AGBL1: variants seen among roughly 807,000 people sequenced by gnomAD.
AGBL1 encodes the protein cytosolic carboxypeptidase 4.
AGBL1 carries 130 observed loss-of-function variants against 118.9 expected under a neutral mutation model. That is an observed-to-expected ratio of 1.09 (90% confidence interval 0.95 to 1.26). The LOEUF is 1.26. AGBL1 is among the 50% of genes most tolerant of loss of function. AGBL1 has a pLI of 0.00. For missense variants in AGBL1, 1,584 were observed against 1,298.1 expected (o/e 1.22, Z -3.38); for synonymous variants, 555 against 478.9 (o/e 1.16, Z -2.08).
chr15:86,339,795 C>T (rs373133262), intron 17 of AGBL1, among the ~76,000 whole-genome samples: 316 of 152,162 alleles, frequency 2.1e-3, no homozygotes, highest in Middle Eastern at 0.014. Flanking sequence ...GATGAAACCC[C>T]GTCTCTATTA....
At chr15:86,424,400 A>C (rs1166583070) in intron 18 of AGBL1, among the ~76,000 whole-genome samples, 2 of 152,252 alleles carry the variant, frequency 1.3e-5, no homozygotes, top group Non-Finnish European at 2.9e-5. Flanking sequence ...AGGTGGATTA[A>C]AGACTTAAAC....
intron 24 of AGBL1, among the ~76,000 whole-genome samples, chr15:87,005,540 T>C (rs1461030234): frequency 6.6e-6 from 1 of 152,242 alleles, no homozygotes; most frequent in Admixed American, 6.5e-5. Flanking sequence ...TTCAGCTCCA[T>C]CAGGTCCTTT....
intron 21 of AGBL1, among the ~76,000 whole-genome samples, chr15:86,587,278 T>C (rs144331028): frequency 4.3e-4 from 66 of 152,246 alleles, no homozygotes; most frequent in African/African-American, 1.6e-3. Context: ...TCAAACTAAG[T>C]TGGGTTGCTG....
downstream of AGBL1, among the ~76,000 whole-genome samples, chr15:86,917,751 G>C (rs573608668): frequency 6.7e-6 from 1 of 149,432 alleles, no homozygotes; most frequent in South Asian, 2.2e-4. This position sits in a 1 kb window ranked among gnomAD's most constrained non-coding sequence, Gnocchi z 4.8. Flanking sequence ...TTCGGGGAGT[G>C]GGGCCAGGGG....
chr15:86,158,632 A>T (rs2077224950), intron 4 of AGBL1, among the ~76,000 whole-genome samples: 1 of 152,186 alleles, frequency 6.6e-6, no homozygotes, highest in Non-Finnish European at 1.5e-5. Flanking sequence ...AGATCTATGA[A>T]AATGTTTTGA....
intron 19 of AGBL1, among the ~76,000 whole-genome samples, chr15:86,528,628 C>T (rs1360008105): frequency 1.6e-5 from 2 of 128,628 alleles, no homozygotes; most frequent in Non-Finnish European, 3.3e-5. Flanking sequence ...GGCCTGCCTG[C>T]CTCTGTAGGC....
chr15:86,338,808 GAA>G (rs1333691487), intron 17 of AGBL1, among the ~76,000 whole-genome samples: 3 of 152,114 alleles, frequency 2.0e-5, no homozygotes, highest in African/African-American at 7.2e-5. Context: ...CTGGACCATT[GAA>G]AAAGAGTCGT....
intron 22 of AGBL1, among the ~76,000 whole-genome samples, chr15:86,687,870 A>C (rs926779995): frequency 2.0e-5 from 3 of 152,102 alleles, no homozygotes; most frequent in African/African-American, 7.2e-5. Context: ...ACCCATACAC[A>C]CTGGCAGCCA....
chr15:86,203,967 A>G (rs537378683), intron 5 of AGBL1, among the ~76,000 whole-genome samples: 1 of 152,288 alleles, frequency 6.6e-6, no homozygotes, highest in South Asian at 2.1e-4. Context: ...TAAAATAAAA[A>G]TTTATTTATG....
At chr15:86,199,616 C>T (rs7171224) in intron 5 of AGBL1, among the ~76,000 whole-genome samples, 5,549 of 152,200 alleles carry the variant, frequency 0.036, 154 homozygotes, top group African/African-American at 0.067. Context: ...TGAACTGTTA[C>T]GGAAATTGTG....
chr15:86,389,338 C>T (rs963169893), intron 17 of AGBL1, among the ~76,000 whole-genome samples: 28 of 152,032 alleles, frequency 1.8e-4, no homozygotes, highest in Non-Finnish European at 7.4e-5. Context: ...CTGTCAAGTT[C>T]TTGCACAATC....
At chr15:86,449,764 G>A (rs566593931) in intron 18 of AGBL1, among the ~76,000 whole-genome samples, 1 of 152,322 alleles carries the variant, frequency 6.6e-6, no homozygotes, top group East Asian at 1.9e-4. Flanking sequence ...CTGGTGTTCA[G>A]TGAGGCAGAT....
At position 86,571,700 on chromosome 15, in the gene AGBL1, G is replaced by A. The variant is rs1207696548; in HGVS notation, c.2994+17163G>A. 8.5e-5 allele frequency among the ~76,000 whole-genome samples: 13 copies of A among 152,290 alleles called. No individual in the cohort carries two copies. In the East Asian group the frequency reaches 2.5e-3, roughly 29 times the overall value. On this transcript the variant is annotated intron_variant, in intron 21 of 22. Transcript: ENST00000614907. ...CTCTGCTCAAGTCAAGGGATGGGGT[G>A]TTTATTGGCCTCAGAGGGGAGGAAG...
intron 23 of AGBL1, among the ~76,000 whole-genome samples, chr15:86,967,717 T>C (rs987567807): frequency 2.6e-5 from 4 of 152,164 alleles, no homozygotes; most frequent in Admixed American, 6.6e-5. Flanking sequence ...CATGCTGCTT[T>C]GGTTACTGTA....
rs554113531 is a variant in AGBL1 at position 86,255,589 on chromosome 15, C to T, written c.736-1264C>T. Among the ~76,000 whole-genome samples, 4 of 152,240 alleles carry T rather than the reference C, an allele frequency of 2.6e-5. No individual in the cohort carries two copies. The South Asian group carries it at 8.3e-4, about 32-fold the overall frequency. On this transcript the variant is annotated intron_variant, in intron 7 of 22. Coordinates refer to ENST00000614907, the MANE Select transcript of AGBL1 (RefSeq NM_001386094.1). ...CCTGAGGTCAGGAGTTTGATACAAG[C>T]CTAACCAACATGGGGAAACCCCGTC...
chr15:86,979,168 TA>T (rs1317529394), intron 23 of AGBL1, among the ~76,000 whole-genome samples: 2 of 152,188 alleles, frequency 1.3e-5, no homozygotes, highest in African/African-American at 4.8e-5. Flanking sequence ...CTTAAATTAT[TA>T]AAATGCTAAA....
chr15:86,558,448 C>T (rs1223948136), intron 21 of AGBL1, among the ~76,000 whole-genome samples: 2 of 152,174 alleles, frequency 1.3e-5, no homozygotes, highest in Non-Finnish European at 2.9e-5. Flanking sequence ...TAGCTGGCAC[C>T]TCTGTTGTAA....
chr15:86,106,469 C>T (rs920379495), intron 1 of AGBL1, among the ~76,000 whole-genome samples: 10 of 152,234 alleles, frequency 6.6e-5, no homozygotes, highest in African/African-American at 2.2e-4. Context: ...CACTCAATTC[C>T]AGTGGCTGTT....
chr15:86,677,209 C>T (rs2085864323), intron 22 of AGBL1, among the ~76,000 whole-genome samples: 1 of 152,144 alleles, frequency 6.6e-6, no homozygotes, highest in African/African-American at 2.4e-5. Flanking sequence ...TCAATATCCA[C>T]AGAGCAACTC....
Sources: allele counts gnomAD v4.1 joint callset (sites outside exome capture counted in the v4.1 genomes callset), GRCh38; gene constraint gnomAD v4.1.1; non-coding constraint Gnocchi (gnomAD v3.1); transcripts MANE v1.5; gene names NCBI Gene and HGNC (gene_info 2026-07-23, HGNC 2026-07-21).